SEMA6A: variants seen among roughly 807,000 people sequenced by gnomAD.
SEMA6A encodes the protein semaphorin-6A.
A neutral mutation model predicts 96.8 loss-of-function variants in SEMA6A; 25 were observed. That is an observed-to-expected ratio of 0.26 (90% CI 0.19 to 0.36). The LOEUF is 0.36. Among genes scored for constraint, SEMA6A ranks in the 10% least tolerant of loss-of-function variants. The pLI is 1.00. For synonymous variants in SEMA6A, 612 were observed against 518.0 expected, an observed-to-expected ratio of 1.18 and a Z score of -2.46; for missense variants, 1,363 against 1,323.1, an observed-to-expected ratio of 1.03 and a Z score of -0.47.
intron 1 of SEMA6A, among the ~76,000 whole-genome samples, chr5:116,544,916 C>A (rs182952392): frequency 1.3e-5 from 2 of 152,180 alleles, no homozygotes; most frequent in African/African-American, 2.4e-5. Flanking sequence ...CTTCCTGGTT[C>A]TCTTTGCCTT....
intron 10 of SEMA6A, among the ~76,000 whole-genome samples, chr5:116,486,166 G>C (rs571003434): frequency 6.6e-6 from 1 of 152,202 alleles, no homozygotes; most frequent in South Asian, 2.1e-4. Flanking sequence ...CTTGCCCAAG[G>C]GTGGCTTTGT....
chr5:116,532,890 T>C (rs1432907856), intron 1 of SEMA6A, among the ~76,000 whole-genome samples: 1 of 152,206 alleles, frequency 6.6e-6, no homozygotes, highest in Non-Finnish European at 1.5e-5. Flanking sequence ...ACTTAGCCAA[T>C]TGTTAAGGTA....
intron 14 of SEMA6A, 24 bp downstream of exon 14, chr5:116,477,990 T>C: frequency 2.5e-6 from 4 of 1,613,950 alleles, no homozygotes; most frequent in Non-Finnish European, 3.4e-6. Context: ...GACTTTCTAA[T>C]TGTCAATGAG....
chr5:116,506,838 G>A (rs936920777), intron 1 of SEMA6A, among the ~76,000 whole-genome samples: 2 of 152,172 alleles, frequency 1.3e-5, no homozygotes, highest in African/African-American at 4.8e-5. Context: ...GAAATGTTTA[G>A]AGATGTATGT....
Position 116,488,947 on chromosome 5 carries a change from C to T in SEMA6A, c.596G>A (p.Arg199Gln), listed in dbSNP as rs773373849. ...DFLAIDAVIY[R>Q]SLGESPTLRT... ...CAGGGTAGGGCTTTCTCCAAGACTC[C>T]GGTAAATGACTGCGTCAATGGCAAG... The change falls in exon 8 of 19, where the codon CGG (arginine) becomes CAG (glutamine). Residue 199 changes from arginine (R) to glutamine (Q), a missense_variant. This residue lies in a region of SEMA6A where 480 missense variants were observed against 559.5 expected (regional missense o/e 0.86). Transcript: ENST00000343348. 1.9e-6 allele frequency: 3 copies of T among 1,588,606 alleles called. No individual in the cohort carries two copies. The highest frequency in any genetic ancestry group is 2.3e-5 in the East Asian group (1 of 43,910).
chr5:116,573,335 T>C (rs1761315193), intron 1 of SEMA6A, among the ~76,000 whole-genome samples: 1 of 151,902 alleles, frequency 6.6e-6, no homozygotes, highest in Non-Finnish European at 1.5e-5. Flanking sequence ...GAGACCGCGC[T>C]GATCTGGGAG....
intron 10 of SEMA6A, 132 bp downstream of exon 10, chr5:116,486,617 T>TGA: frequency 1.4e-6 from 1 of 699,056 alleles, no homozygotes; most frequent in Non-Finnish European, 2.5e-6. Context: ...AACTAAGTGT[T>TGA]AAGTGCTTCT....
intron 18 of SEMA6A, among the ~76,000 whole-genome samples, chr5:116,461,532 T>A (rs978895518): frequency 2.0e-5 from 3 of 152,050 alleles, no homozygotes; most frequent in Non-Finnish European, 4.4e-5. Flanking sequence ...CCACAAAAAT[T>A]TTAAATATGA....
chr5:116,506,070 A>G (rs1432636460), intron 1 of SEMA6A, among the ~76,000 whole-genome samples: 1 of 152,212 alleles, frequency 6.6e-6, no homozygotes, highest in African/African-American at 2.4e-5. Flanking sequence ...TAATCCATCA[A>G]TCATTTAAGA....
chr5:116,474,636 G>C (rs2114945), intron 16 of SEMA6A, among the ~76,000 whole-genome samples: 1 of 152,132 alleles, frequency 6.6e-6, no homozygotes, highest in Non-Finnish European at 1.5e-5. Context: ...TGACACTTTA[G>C]AGTCTGAAAT....
intron 1 of SEMA6A, among the ~76,000 whole-genome samples, chr5:116,559,794 A>G (rs1760750190): frequency 6.6e-6 from 1 of 152,040 alleles, no homozygotes; most frequent in South Asian, 2.1e-4. Flanking sequence ...CCCTTACCCC[A>G]CACATCCAAC....
intron 10 of SEMA6A, among the ~76,000 whole-genome samples, chr5:116,483,175 A>C (rs1756875321): frequency 6.6e-6 from 1 of 152,228 alleles, no homozygotes; most frequent in Non-Finnish European, 1.5e-5. Flanking sequence ...TTTGCAAATA[A>C]AGTACTTTAT....
intron 1 of SEMA6A, among the ~76,000 whole-genome samples, chr5:116,512,300 T>C (rs915603187): frequency 3.3e-5 from 5 of 152,176 alleles, no homozygotes; most frequent in Admixed American, 3.3e-4. Flanking sequence ...CATTAAGATA[T>C]AAGGTTCGGG....
chr5:116,477,366 G>A (rs1756507795), intron 15 of SEMA6A, among the ~76,000 whole-genome samples: 1 of 152,170 alleles, frequency 6.6e-6, no homozygotes, highest in South Asian at 2.1e-4. Flanking sequence ...TTCAGCGCAG[G>A]AAAAGGTTTA....
chr5:116,483,743 A>G (rs78036614), intron 10 of SEMA6A, among the ~76,000 whole-genome samples: 8,697 of 152,264 alleles, frequency 0.057, 414 homozygotes, highest in African/African-American at 0.13. Flanking sequence ...ATACATGTAC[A>G]TATGTTGTTC....
At chr5:116,532,196 C>T (rs1469751796) in intron 1 of SEMA6A, among the ~76,000 whole-genome samples, 1 of 152,134 alleles carries the variant, frequency 6.6e-6, no homozygotes, top group Non-Finnish European at 1.5e-5. Context: ...GAGTCAACAC[C>T]ATTTCTTGAT....
At chr5:116,551,275 G>A (rs572571873) in intron 1 of SEMA6A, among the ~76,000 whole-genome samples, 8 of 149,764 alleles carry the variant, frequency 5.3e-5, no homozygotes, top group Admixed American at 1.3e-4. Flanking sequence ...AAATATGCCC[G>A]TGTTACAAGT....
At chr5:116,534,612 C>G (rs1290104474) in intron 1 of SEMA6A, among the ~76,000 whole-genome samples, 1 of 152,214 alleles carries the variant, frequency 6.6e-6, no homozygotes, top group African/African-American at 2.4e-5. Context: ...TTCCTGATAG[C>G]CCCTCCTCAC....
chr5:116,523,094 G>C (rs925575565), intron 1 of SEMA6A, among the ~76,000 whole-genome samples: 9 of 152,164 alleles, frequency 5.9e-5, no homozygotes, highest in African/African-American at 2.2e-4. Flanking sequence ...TGGGAACTGA[G>C]CTGCACATGA....
Sources: allele counts gnomAD v4.1 joint callset (sites outside exome capture counted in the v4.1 genomes callset), GRCh38; gene constraint gnomAD v4.1.1; regional missense constraint gnomAD v4.1.1; transcripts MANE v1.5; gene names NCBI Gene and HGNC (gene_info 2026-07-23, HGNC 2026-07-21).